The following RPA1 variants were observed in gnomAD, a reference collection of about 807,000 sequenced individuals.
RPA1 encodes the protein replication protein A 70 kDa DNA-binding subunit.
In RPA1, 49 loss-of-function variants were observed where a neutral mutation model predicts 83.0. That is an observed-to-expected ratio of 0.59 (90% CI 0.47 to 0.75). The LOEUF (loss-of-function observed/expected upper bound fraction) is 0.75. Ranked by LOEUF, RPA1 falls within the 30% of genes least tolerant of loss-of-function variation. RPA1 has a pLI of 0.00. For missense variants in RPA1, 693 were observed against 776.1 expected (o/e 0.89, Z 1.27); for synonymous variants, 279 against 281.8 (o/e 0.99, Z 0.10).
intron 5 of RPA1, among the ~76,000 whole-genome samples, chr17:1,856,056 G>A (rs970248923): frequency 1.3e-5 from 2 of 152,052 alleles, no homozygotes; most frequent in Non-Finnish European, 2.9e-5. Context: ...GGGTGCAGTG[G>A]CTCACACTTG....
intron 13 of RPA1, among the ~76,000 whole-genome samples, chr17:1,886,929 G>A (rs1310483708): frequency 6.6e-6 from 1 of 151,940 alleles, no homozygotes; most frequent in African/African-American, 2.4e-5. Flanking sequence ...CAAAGTGCTG[G>A]GATTACAGGT....
At chr17:1,860,402 C>T (rs1009115182) in intron 5 of RPA1, among the ~76,000 whole-genome samples, 1 of 152,220 alleles carries the variant, frequency 6.6e-6, no homozygotes, top group African/African-American at 2.4e-5. Context: ...CTGCCTTAGC[C>T]TCTCAAAAGG....
intron 15 of RPA1, among the ~76,000 whole-genome samples, chr17:1,894,038 T>G (rs1914298805): frequency 6.6e-6 from 1 of 151,172 alleles, no homozygotes; most frequent in South Asian, 2.1e-4. Flanking sequence ...AGTTTTTTTT[T>G]TTTTTTTTTT....
intron 6 of RPA1, among the ~76,000 whole-genome samples, chr17:1,874,960 G>T (rs975149809): frequency 6.6e-6 from 1 of 152,200 alleles, no homozygotes; most frequent in Admixed American, 6.5e-5. Context: ...GAATTTGGAC[G>T]TTGAGTTTTG....
chr17:1,881,900 C>A (rs1248089361), intron 12 of RPA1, among the ~76,000 whole-genome samples: 1 of 43,252 alleles, frequency 2.3e-5, no homozygotes, highest in South Asian at 5.3e-4. Context: ...TGACTCCTGA[C>A]GAGTGATCTT....
At chr17:1,883,452 C>T (rs537321294) in intron 12 of RPA1, among the ~76,000 whole-genome samples, 30 of 152,146 alleles carry the variant, frequency 2.0e-4, no homozygotes, top group African/African-American at 6.3e-4. Context: ...TGAGCCACTG[C>T]GCCCAGCCTA....
intron 1 of RPA1, among the ~76,000 whole-genome samples, chr17:1,838,621 A>AT (rs1911915182): frequency 6.9e-6 from 1 of 144,822 alleles, no homozygotes. Context: ...AAAAAAAAAA[A>AT]GAAATCTTTG....
Position 1,853,175 on chromosome 17 carries a change from T to G in RPA1, c.347T>G (p.Val116Gly). 6.2e-7 allele frequency: 1 copy of G among 1,613,856 alleles called. No individual in the cohort carries two copies. The highest frequency in any genetic ancestry group is 8.5e-7 in the Non-Finnish European group (1 of 1,179,734). ...GTTGGAGTGAAGATTGGCAATCCAG[T>G]GCCCTATAATGAAGGTAAAATGCTT... ...EAVGVKIGNP[V>G]PYNEGLGQPQ... is the part of the protein sequence containing the mutation. Residue 116 changes from valine (V) to glycine (G), a missense_variant, in exon 5 of 17, where the codon GTG (valine) becomes GGG (glycine). Coordinates refer to ENST00000254719, the MANE Select transcript of RPA1 (RefSeq NM_002945.5).
At position 1,878,335 on chromosome 17, in the gene RPA1, G is replaced by GT. The variant is rs949376506; in HGVS notation, c.691-650dup. Among the ~76,000 whole-genome samples, 268 of 152,074 alleles carry GT rather than the reference G, an allele frequency of 1.8e-3. 1 individual carries two copies. Among genetic ancestry groups the GT allele is most frequent in the African/African-American group, 6.2e-3 (256 of 41,492 alleles). On this transcript the variant is annotated intron_variant, in intron 8 of 16. Transcript: ENST00000254719. The stretch of plus-strand genomic sequence containing the variant: ...CCCAAATAGGGAGAAAAAAATAGAT[G>GT]TTTTTTTTGGAAGTTGATATAACAC...
chr17:1,871,149 A>G (rs1913364071), intron 5 of RPA1, among the ~76,000 whole-genome samples: 1 of 152,212 alleles, frequency 6.6e-6, no homozygotes, highest in African/African-American at 2.4e-5. Context: ...TTCAGAGATA[A>G]TGGAAAAGCC....
intron 5 of RPA1, among the ~76,000 whole-genome samples, chr17:1,867,989 C>T (rs1274491456): frequency 3.3e-5 from 5 of 150,760 alleles, no homozygotes; most frequent in South Asian, 2.1e-4. Context: ...GAGGCCGAGT[C>T]GGGGGATTGC....
At chr17:1,867,116 G>A (rs2151281728) in intron 5 of RPA1, among the ~76,000 whole-genome samples, 1 of 152,164 alleles carries the variant, frequency 6.6e-6, no homozygotes, top group South Asian at 2.1e-4. Context: ...AGAGGGAATC[G>A]GGTAAATTAT....
chr17:1,860,090 C>T (rs954927518), intron 5 of RPA1, among the ~76,000 whole-genome samples: 1 of 152,172 alleles, frequency 6.6e-6, no homozygotes, highest in African/African-American at 2.4e-5. Flanking sequence ...GGGTTAAAGG[C>T]GTGAGCCACC....
chr17:1,849,332 T>G (rs11078670), intron 4 of RPA1, among the ~76,000 whole-genome samples: 59,211 of 144,972 alleles, frequency 0.41, 12,459 homozygotes, highest in East Asian at 0.54. Flanking sequence ...TCGCTCTGTC[T>G]CTCAGGCTGG....
rs1914550214 is a variant in RPA1, at chr17:1,898,933, C to T, written c.*1758C>T. 6.5e-6 allele frequency: 1 copy of T among 152,726 alleles called. No individual in the cohort carries two copies. The highest frequency in any genetic ancestry group is 1.5e-5 in the Non-Finnish European group (1 of 68,098). 9.5% of individuals were successfully genotyped at this position (152,726 alleles called of 1,614,324 possible). On this transcript the variant is annotated 3_prime_UTR_variant, in exon 17 of 17. Coordinates refer to ENST00000254719, the MANE Select transcript of RPA1 (RefSeq NM_002945.5). ...GGGAAGTGGCGATCTAGCTTTCAGCCCAGTAACCAGTCTTTCATGCCTACT... is the reference window on the plus strand; with the variant it reads ...GGGAAGTGGCGATCTAGCTTTCAGCTCAGTAACCAGTCTTTCATGCCTACT...
chr17:1,830,368 C>G (rs17338515), intron 1 of RPA1, among the ~76,000 whole-genome samples: 1 of 152,190 alleles, frequency 6.6e-6, no homozygotes, highest in African/African-American at 2.4e-5. Flanking sequence ...ACTAAATAAA[C>G]GCTTGCCTTT....
At chr17:1,894,148 C>T (rs929898307) in intron 15 of RPA1, among the ~76,000 whole-genome samples, 1 of 150,116 alleles carries the variant, frequency 6.7e-6, no homozygotes, top group African/African-American at 2.5e-5. Context: ...GGATTATAGT[C>T]ACGCGCCACC....
At chr17:1,891,363 T>C (rs1390373574) in intron 14 of RPA1, among the ~76,000 whole-genome samples, 1 of 152,118 alleles carries the variant, frequency 6.6e-6, no homozygotes, top group Non-Finnish European at 1.5e-5. Context: ...GAGTGGGCAA[T>C]TGAAAATGCA....
rs375470284 is a variant in RPA1 at position 1,891,957 on chromosome 17, A to C, written c.1659+17A>C. Reference sequence around the variant, plus strand: ...AAAGACAAGGTCAGCCACATATTTTATTATAACTTCTATAACTTTTAATGG... The same window carrying C: ...AAAGACAAGGTCAGCCACATATTTTCTTATAACTTCTATAACTTTTAATGG... On this transcript the variant is annotated intron_variant, in intron 15 of 16. Coordinates refer to ENST00000254719, the MANE Select transcript of RPA1 (RefSeq NM_002945.5). 10 of 1,541,002 alleles carry C rather than the reference A, an allele frequency of 6.5e-6. No individual in the cohort carries two copies. The highest frequency in any genetic ancestry group is 2.3e-5 in the East Asian group (1 of 44,262).
Sources: allele counts gnomAD v4.1 joint callset (sites outside exome capture counted in the v4.1 genomes callset), GRCh38; gene constraint gnomAD v4.1.1; transcripts MANE v1.5; gene names NCBI Gene and HGNC (gene_info 2026-07-23, HGNC 2026-07-21).